The following UBE2E2 variants were observed in gnomAD, a reference collection of about 807,000 sequenced individuals.
UBE2E2 encodes ubiquitin conjugating enzyme E2 E2.
In UBE2E2, 6 loss-of-function variants were observed where a neutral mutation model predicts 24.7. The observed-to-expected ratio is 0.24, with a 90% CI of 0.13 to 0.48. UBE2E2 has a LOEUF of 0.48. Among genes scored for constraint, UBE2E2 ranks in the 20% least tolerant of loss-of-function variants. The probability of loss-of-function intolerance (pLI) is 0.99; values close to 1 mark genes in which losing one functional copy is unlikely to be tolerated. For synonymous variants in UBE2E2, 104 were observed against 83.6 expected, an observed-to-expected ratio of 1.24 and a Z score of -1.33; for missense variants, 169 against 245.0, an observed-to-expected ratio of 0.69 and a Z score of 2.07.
intron 3 of UBE2E2, among the ~76,000 whole-genome samples, chr3:23,416,712 A>G (rs933912935): frequency 1.3e-5 from 2 of 151,926 alleles, no homozygotes; most frequent in Admixed American, 1.3e-4. Context: ...TGGTCTTTTC[A>G]CATAGTCCCA....
At chr3:23,243,827 G>T (rs1164818743) in intron 3 of UBE2E2, among the ~76,000 whole-genome samples, 1 of 151,640 alleles carries the variant, frequency 6.6e-6, no homozygotes, top group East Asian at 1.9e-4. Context: ...AGTATAGTAG[G>T]AAGCAGCAGA....
chr3:23,415,775 A>G (rs1695170), intron 3 of UBE2E2, among the ~76,000 whole-genome samples: 93,753 of 151,806 alleles, frequency 0.62, 29,657 homozygotes, highest in African/African-American at 0.74. Flanking sequence ...TTTAAGTTCC[A>G]GGATACATGT....
intron 3 of UBE2E2, among the ~76,000 whole-genome samples, chr3:23,381,746 A>C (rs1193529577): frequency 1.3e-5 from 2 of 152,240 alleles, no homozygotes; most frequent in Admixed American, 1.3e-4. Flanking sequence ...TGTTCTTTAT[A>C]ATTGTGAGTC....
At chr3:23,270,842 T>A (rs1228297713) in intron 3 of UBE2E2, 2 of 448,606 alleles carry the variant, frequency 4.5e-6, no homozygotes, top group African/African-American at 4.0e-5. Flanking sequence ...CAATTGTTTT[T>A]CTCAGGGAAA....
chr3:23,537,597 GCT>G (rs1351101884), intron 5 of UBE2E2, among the ~76,000 whole-genome samples: 2 of 152,050 alleles, frequency 1.3e-5, no homozygotes, highest in African/African-American at 4.8e-5. Context: ...GCTCCCAGTG[GCT>G]CTTTTATAGT....
chr3:23,354,778 G>A (rs1484244606), intron 3 of UBE2E2, among the ~76,000 whole-genome samples: 1 of 152,200 alleles, frequency 6.6e-6, no homozygotes, highest in Non-Finnish European at 1.5e-5. Context: ...TACACTGTTG[G>A]TGGGAATGTA....
At chr3:23,427,150 G>A (rs1370244418) in intron 3 of UBE2E2, among the ~76,000 whole-genome samples, 1 of 151,792 alleles carries the variant, frequency 6.6e-6, no homozygotes, top group Admixed American at 6.6e-5. Flanking sequence ...GCCAGGCAGG[G>A]TGGCTCATGC....
intron 3 of UBE2E2, among the ~76,000 whole-genome samples, chr3:23,254,003 T>C (rs1697649053): frequency 6.6e-6 from 1 of 152,214 alleles, no homozygotes; most frequent in African/African-American, 2.4e-5. Context: ...TAGTTCTAGC[T>C]CTCAAGGAAC....
intron 4 of UBE2E2, among the ~76,000 whole-genome samples, chr3:23,500,588 C>T (rs764617360): frequency 1.2e-4 from 19 of 152,164 alleles, no homozygotes; most frequent in Admixed American, 5.2e-4. Flanking sequence ...CCTGACTTAA[C>T]GTCACAATGC....
chr3:23,304,649 T>C (rs1699192696), intron 3 of UBE2E2, among the ~76,000 whole-genome samples: 1 of 152,168 alleles, frequency 6.6e-6, no homozygotes, highest in African/African-American at 2.4e-5. Flanking sequence ...AAAGAATGTT[T>C]TAATAGCTTT....
intron 3 of UBE2E2, among the ~76,000 whole-genome samples, chr3:23,302,435 C>A (rs750281315): frequency 6.6e-6 from 1 of 151,974 alleles, no homozygotes; most frequent in Non-Finnish European, 1.5e-5. Flanking sequence ...TTTTTTTATT[C>A]CTTTGGCAAA....
intron 3 of UBE2E2, among the ~76,000 whole-genome samples, chr3:23,382,665 C>T (rs1017218082): frequency 1.3e-5 from 2 of 152,126 alleles, no homozygotes; most frequent in African/African-American, 4.8e-5. Context: ...TTTTAAAAAA[C>T]TCTGAAAAAT....
intron 3 of UBE2E2, among the ~76,000 whole-genome samples, chr3:23,480,553 C>G (rs1256921888): frequency 1.3e-5 from 2 of 151,768 alleles, no homozygotes; most frequent in Non-Finnish European, 2.9e-5. Flanking sequence ...GCGCCTCCCC[C>G]ACTACAGCTG....
chr3:23,357,531 C>A (rs1575584116), intron 3 of UBE2E2, among the ~76,000 whole-genome samples: 1 of 151,942 alleles, frequency 6.6e-6, no homozygotes, highest in Non-Finnish European at 1.5e-5. Flanking sequence ...TTTAAATAAT[C>A]CTACTGTCTT....
intron 3 of UBE2E2, among the ~76,000 whole-genome samples, chr3:23,381,879 C>T (rs571121252): frequency 1.3e-5 from 2 of 152,172 alleles, no homozygotes; most frequent in South Asian, 2.1e-4. Flanking sequence ...TGCTTTGCCC[C>T]GGAGAGTGGA....
At chr3:23,492,831 A>G (rs1699527220) in intron 3 of UBE2E2, among the ~76,000 whole-genome samples, 1 of 152,172 alleles carries the variant, frequency 6.6e-6, no homozygotes, top group African/African-American at 2.4e-5. Flanking sequence ...ATATAGTGTG[A>G]GCTATGTATG....
At chr3:23,210,126 A>T (rs1696279789) in intron 2 of UBE2E2, among the ~76,000 whole-genome samples, 1 of 152,126 alleles carries the variant, frequency 6.6e-6, no homozygotes, top group African/African-American at 2.4e-5. Flanking sequence ...TGGATGAGAA[A>T]GGTGGGGAAT....
intron 3 of UBE2E2, among the ~76,000 whole-genome samples, chr3:23,263,959 G>A (rs1371541712): frequency 6.6e-6 from 1 of 152,014 alleles, no homozygotes; most frequent in African/African-American, 2.4e-5. Context: ...TTTGTACTTC[G>A]TTTCATTCTA....
Position 23,244,290 on chromosome 3 carries a change from C to T in UBE2E2, c.227+26978C>T, listed in dbSNP as rs371137602. 2.3e-4 allele frequency among the ~76,000 whole-genome samples: 35 copies of T among 152,154 alleles called. 1 individual carries two copies. Among genetic ancestry groups the T allele is most frequent in the Admixed American group, 8.5e-4 (13 of 15,294 alleles). ...TGATCTTTTATAATTATGTTGTCACCATATGTTTGCAGATTCATATTTGCA... is the reference window on the plus strand; with the variant it reads ...TGATCTTTTATAATTATGTTGTCACTATATGTTTGCAGATTCATATTTGCA... On this transcript the variant is annotated intron_variant, in intron 3 of 5. Coordinates refer to ENST00000396703, the MANE Select transcript of UBE2E2 (RefSeq NM_152653.4).
Sources: gnomAD v4.1 joint callset for allele counts (sites outside exome capture counted in the v4.1 genomes callset) on GRCh38, gnomAD v4.1.1 for gene constraint, MANE v1.5 for transcripts, NCBI Gene and HGNC (gene_info 2026-07-23, HGNC 2026-07-21) for gene names.